CALD1: variants seen among roughly 807,000 people sequenced by gnomAD.
The protein encoded by CALD1 is caldesmon.
A neutral mutation model predicts 99.9 loss-of-function variants in CALD1; 33 were observed. The ratio of observed to expected loss-of-function variants is 0.33; its 90% CI spans 0.25 to 0.44. The LOEUF (loss-of-function observed/expected upper bound fraction) is 0.44, where lower values mean the gene tolerates loss of function less well. CALD1 is among the 20% of genes least tolerant of loss of function. The probability of loss-of-function intolerance (pLI) is 1.00; values close to 1 mark genes in which losing one functional copy is unlikely to be tolerated. For synonymous variants in CALD1, 310 were observed against 325.0 expected (o/e 0.95, Z 0.50); for missense variants, 861 against 962.1 (o/e 0.89, Z 1.39).
At chr7:134,920,585 T>A (rs1355010270) in intron 3 of CALD1, 7 of 1,288,542 alleles carry the variant, frequency 5.4e-6, no homozygotes, top group Non-Finnish European at 7.1e-6. Context: ...GGATTGAGTA[T>A]CTCAGTTACC....
chr7:134,831,861 GAGAT>G (rs1426546625), intron 1 of CALD1, among the ~76,000 whole-genome samples: 1 of 152,158 alleles, frequency 6.6e-6, no homozygotes, highest in Non-Finnish European at 1.5e-5. Context: ...AGCAGAAAAA[GAGAT>G]AGAGGCAAGT....
At chr7:134,749,245 T>G (rs1019404259) in intron 1 of CALD1, among the ~76,000 whole-genome samples, 4 of 152,220 alleles carry the variant, frequency 2.6e-5, no homozygotes, top group Non-Finnish European at 5.9e-5. Flanking sequence ...TATTTGTTTG[T>G]CTTCAAAGGA....
intron 5 of CALD1, among the ~76,000 whole-genome samples, chr7:134,934,431 C>T (rs1022184088): frequency 6.6e-5 from 10 of 152,150 alleles, no homozygotes; most frequent in Non-Finnish European, 1.5e-5. Flanking sequence ...CATCTAAACT[C>T]GTTCTTTTAA....
chr7:134,866,001 T>C (rs1331443846), intron 2 of CALD1, among the ~76,000 whole-genome samples: 1 of 152,204 alleles, frequency 6.6e-6, no homozygotes, highest in East Asian at 1.9e-4. Context: ...CAAGAGGCAC[T>C]TTATATGCAA....
chr7:134,714,606 G>A, the CALD1 span, among the ~76,000 whole-genome samples: 1 of 152,250 alleles, frequency 6.6e-6, no homozygotes, highest in South Asian at 2.1e-4. Context: ...AAGCAGCAGT[G>A]TCACTGCTCA....
intron 3 of CALD1, among the ~76,000 whole-genome samples, chr7:134,872,369 A>C (rs1563058465): frequency 9.2e-5 from 7 of 76,424 alleles, no homozygotes; most frequent in Non-Finnish European, 1.8e-4. Flanking sequence ...AAAAAAAAAA[A>C]AAAAAAAAAA....
chr7:134,898,822 C>T (rs1419683224), intron 3 of CALD1, among the ~76,000 whole-genome samples: 4 of 152,032 alleles, frequency 2.6e-5, no homozygotes, highest in South Asian at 2.1e-4. Flanking sequence ...CCCAAAGTGC[C>T]GGCATTATAG....
At chr7:134,949,408 T>C (rs1312750175) in intron 8 of CALD1, among the ~76,000 whole-genome samples, 1 of 152,018 alleles carries the variant, frequency 6.6e-6, no homozygotes, top group Non-Finnish European at 1.5e-5. Flanking sequence ...TGCAACTTGA[T>C]CAGAGCCCTG....
chr7:134,920,635 A>G lies in CALD1; in HGVS notation c.72-8119A>G, dbSNP rs1227907393. ...ATCGACCAACACTGCCTTCTCTCAAATGACTTCTTATATGAAAGTGGACAG... is the reference window on the plus strand; with the variant it reads ...ATCGACCAACACTGCCTTCTCTCAAGTGACTTCTTATATGAAAGTGGACAG... On this transcript the variant is annotated intron_variant, in intron 3 of 14. Coordinates refer to ENST00000361675, the MANE Select transcript of CALD1 (RefSeq NM_033138.4). The G allele has an allele frequency of 3.1e-6, 4 of 1,289,364 alleles. No individual in the cohort carries two copies. The African/African-American group carries it at 6.1e-5, about 20-fold the overall frequency. 79.9% of individuals were successfully genotyped at this position (1,289,364 alleles called of 1,614,324 possible).
intron 1 of CALD1, among the ~76,000 whole-genome samples, chr7:134,817,871 A>G (rs185243494): frequency 1.7e-3 from 257 of 152,262 alleles, no homozygotes; most frequent in Admixed American, 3.4e-3. Context: ...TTACAATAAA[A>G]TTTCCCCATA....
At chr7:134,927,482 G>T (rs1190103157) in intron 3 of CALD1, among the ~76,000 whole-genome samples, 1 of 138,770 alleles carries the variant, frequency 7.2e-6, no homozygotes, top group Admixed American at 7.7e-5. Context: ...AGCCTGGGAG[G>T]TCAAGGCTGC....
rs879485912 is a variant in CALD1 at position 134,823,502 on chromosome 7, C to T, written c.-129-20382C>T. Among the ~76,000 whole-genome samples, 11 of 152,270 alleles carry T rather than the reference C, an allele frequency of 7.2e-5. No individual in the cohort carries two copies. The South Asian group carries it at 1.2e-3, about 17-fold the overall frequency. On this transcript the variant is annotated intron_variant, in intron 1 of 14. Coordinates refer to ENST00000361675, the MANE Select transcript of CALD1 (RefSeq NM_033138.4). ...CAGCCTTTGTGTGTTCTTTTCCCCCCGTCTTGCTATTGCCTGGATCTCATT... is the reference window on the plus strand; with the variant it reads ...CAGCCTTTGTGTGTTCTTTTCCCCCTGTCTTGCTATTGCCTGGATCTCATT...
intron 2 of CALD1, among the ~76,000 whole-genome samples, chr7:134,850,694 G>T (rs757370702): frequency 1.1e-4 from 16 of 152,156 alleles, no homozygotes; most frequent in Admixed American, 2.6e-4. Context: ...ATCAGTGAAA[G>T]ACAGCAACCC....
chr7:134,882,833 A>G (rs73454228), intron 3 of CALD1, among the ~76,000 whole-genome samples: 17,602 of 152,246 alleles, frequency 0.12, 1,913 homozygotes, highest in African/African-American at 0.29. Context: ...ATTGGGATGT[A>G]ATGATGGACC....
chr7:134,950,033 G>A (rs1168850803), intron 8 of CALD1, among the ~76,000 whole-genome samples: 1 of 152,192 alleles, frequency 6.6e-6, no homozygotes, highest in Non-Finnish European at 1.5e-5. Flanking sequence ...GACAAGTTTG[G>A]TGTAAGCATT....
chr7:134,767,459 C>G (rs1042430656), intron 1 of CALD1, among the ~76,000 whole-genome samples: 3 of 152,238 alleles, frequency 2.0e-5, no homozygotes, highest in Non-Finnish European at 4.4e-5. Context: ...GAACCTCACC[C>G]AAAATAGATC....
At chr7:134,858,956 C>T (rs1800441561) in intron 2 of CALD1, among the ~76,000 whole-genome samples, 1 of 152,164 alleles carries the variant, frequency 6.6e-6, no homozygotes, top group South Asian at 2.1e-4. Context: ...ATGGGGGCCA[C>T]TAAACACATA....
Position 134,858,718 on chromosome 7 carries a change from C to T in CALD1, c.-41-8975C>T, listed in dbSNP as rs144758215. ...TTGAGTAGCTGGGACTACAGGTGTG[C>T]GCCACCACACCCAGCTAATTTTTGT... On this transcript the variant is annotated intron_variant, in intron 2 of 14. Coordinates refer to ENST00000361675, the MANE Select transcript of CALD1 (RefSeq NM_033138.4). 1.4e-3 allele frequency among the ~76,000 whole-genome samples: 216 copies of T among 152,064 alleles called. 1 individual carries two copies. The highest frequency in any genetic ancestry group is 4.9e-3 in the African/African-American group (202 of 41,474).
In CALD1 at chr7:134,831,161, TATA is replaced by T. The variant is rs559978257; in HGVS notation, c.-129-12718_-129-12716del. Among the ~76,000 whole-genome samples the T allele has an allele frequency of 5.9e-5, 9 of 152,034 alleles. No homozygotes were observed. The East Asian group carries it at 1.2e-3, about 20-fold the overall frequency. The stretch of plus-strand genomic sequence containing the variant: ...AAAATTGTGTAAAAAATATGTATAA[TATA>T]ATAAGTGAAAAAATTGAGTGCATAA... On this transcript the variant is annotated intron_variant, in intron 1 of 14. Coordinates refer to ENST00000361675, the MANE Select transcript of CALD1 (RefSeq NM_033138.4).
Sources: allele counts gnomAD v4.1 joint callset (sites outside exome capture counted in the v4.1 genomes callset), GRCh38; gene constraint gnomAD v4.1.1; transcripts MANE v1.5; gene names NCBI Gene and HGNC (gene_info 2026-07-23, HGNC 2026-07-21).